The following FOCAD variants were observed in gnomAD, a reference collection of about 807,000 sequenced individuals.
The protein encoded by FOCAD is KIAA1797.
A neutral mutation model predicts 225.6 loss-of-function variants in FOCAD; 198 were observed. The ratio of observed to expected loss-of-function variants is 0.88; its 90% CI spans 0.78 to 0.99. FOCAD has a LOEUF of 0.99. FOCAD is among the 50% of genes least tolerant of loss of function. The pLI, the probability that FOCAD is intolerant of heterozygous loss-of-function variation, is 0.00. For synonymous variants in FOCAD, 897 were observed against 755.0 expected (o/e 1.19, Z -3.08); for missense variants, 2,713 against 2,123.6 (o/e 1.28, Z -5.46).
chr9:20,734,633 C>G (rs184466866), intron 4 of FOCAD, among the ~76,000 whole-genome samples: 54 of 151,814 alleles, frequency 3.6e-4, no homozygotes, highest in Non-Finnish European at 6.2e-4. Context: ...ATAACACATA[C>G]AGTATAATAT....
chr9:20,810,434 A>G (rs1482355366), intron 11 of FOCAD, among the ~76,000 whole-genome samples: 1 of 152,112 alleles, frequency 6.6e-6, no homozygotes, highest in Non-Finnish European at 1.5e-5. Flanking sequence ...TACTTTACTT[A>G]TAGGACATTG....
intron 5 of FOCAD, among the ~76,000 whole-genome samples, chr9:20,756,797 C>G (rs1829093733): frequency 6.6e-6 from 1 of 152,152 alleles, no homozygotes; most frequent in African/African-American, 2.4e-5. Flanking sequence ...AACTGATGGT[C>G]TGATTGTTAC....
intron 15 of FOCAD, among the ~76,000 whole-genome samples, chr9:20,854,960 T>A (rs1000178520): frequency 6.6e-6 from 1 of 151,876 alleles, no homozygotes; most frequent in Admixed American, 6.6e-5. Flanking sequence ...ATAATTCAAC[T>A]AATTTTCACA....
chr9:20,886,140 T>TTGC (rs1324015199), intron 21 of FOCAD, among the ~76,000 whole-genome samples: 1 of 152,218 alleles, frequency 6.6e-6, no homozygotes, highest in Non-Finnish European at 1.5e-5. Context: ...TCAAGACCCA[T>TTGC]CTTTGTCCTT....
chr9:20,776,492 A>T (rs1199656715), intron 8 of FOCAD, among the ~76,000 whole-genome samples: 1 of 152,232 alleles, frequency 6.6e-6, no homozygotes, highest in Non-Finnish European at 1.5e-5. Flanking sequence ...TAACCACTAG[A>T]CTTGTAAGCA....
At chr9:20,687,055 A>T (rs1013502009) in intron 1 of FOCAD, among the ~76,000 whole-genome samples, 6 of 149,842 alleles carry the variant, frequency 4.0e-5, no homozygotes, top group African/African-American at 1.2e-4. Flanking sequence ...TGTGTTTATG[A>T]TTTTAAAAGT....
At chr9:20,792,275 A>G (rs1409033727) in intron 11 of FOCAD, among the ~76,000 whole-genome samples, 1 of 152,204 alleles carries the variant, frequency 6.6e-6, no homozygotes, top group Non-Finnish European at 1.5e-5. Context: ...AAGATGAGTA[A>G]TTTTGAGATA....
chr9:20,796,070 T>C (rs1172982437), intron 11 of FOCAD, among the ~76,000 whole-genome samples: 2 of 150,882 alleles, frequency 1.3e-5, no homozygotes, highest in Non-Finnish European at 2.9e-5. Context: ...CGGTGTTTGG[T>C]TTTTTGTTCT....
At chr9:20,916,793 T>G in intron 23 of FOCAD, 100 bp from the exon 24 acceptor site, 1 of 1,042,972 alleles carries the variant, frequency 9.6e-7, no homozygotes, top group South Asian at 1.5e-5. Context: ...TTTTAAGATC[T>G]GGAGCCATTG....
intron 3 of FOCAD, 62 bp from the exon 4 acceptor site, chr9:20,720,318 G>A: frequency 1.4e-6 from 2 of 1,428,512 alleles, no homozygotes; most frequent in Non-Finnish European, 9.7e-7. Flanking sequence ...AATGACCAAA[G>A]GTGTGTGTGT....
intron 18 of FOCAD, among the ~76,000 whole-genome samples, chr9:20,869,242 C>T (rs897509261): frequency 1.3e-5 from 2 of 152,100 alleles, no homozygotes; most frequent in Admixed American, 6.6e-5. Flanking sequence ...CTTAAGGTTA[C>T]CTATTTTTCC....
chr9:20,915,061 A>G (rs1446580076), intron 23 of FOCAD, among the ~76,000 whole-genome samples: 1 of 152,210 alleles, frequency 6.6e-6, no homozygotes, highest in Non-Finnish European at 1.5e-5. Flanking sequence ...GACAAGGAAG[A>G]CTAGAGAAAA....
intron 26 of FOCAD, among the ~76,000 whole-genome samples, chr9:20,927,473 A>G (rs1207935260): frequency 2.0e-5 from 3 of 152,106 alleles, no homozygotes; most frequent in Non-Finnish European, 4.4e-5. Flanking sequence ...ACTTTATGTA[A>G]AAAGTTTTGA....
At chr9:20,870,167 G>A (rs1829636050) in intron 18 of FOCAD, among the ~76,000 whole-genome samples, 2 of 152,058 alleles carry the variant, frequency 1.3e-5, no homozygotes, top group African/African-American at 2.4e-5. Context: ...TTGTTTTCTT[G>A]ATTTCTAGGG....
chr9:20,878,553 A>G (rs560162791), intron 19 of FOCAD, among the ~76,000 whole-genome samples: 21 of 152,340 alleles, frequency 1.4e-4, no homozygotes, highest in African/African-American at 5.1e-4. Flanking sequence ...ACAATTTCGC[A>G]TATCTCTTCC....
At chr9:20,962,393 A>G (rs1296732709) in intron 35 of FOCAD, among the ~76,000 whole-genome samples, 3 of 146,620 alleles carry the variant, frequency 2.0e-5, no homozygotes, top group Admixed American at 6.9e-5. Context: ...AAACATACAC[A>G]TATATAATAT....
At chr9:20,729,266 T>C (rs1826467166) in intron 4 of FOCAD, among the ~76,000 whole-genome samples, 1 of 152,226 alleles carries the variant, frequency 6.6e-6, no homozygotes, top group Non-Finnish European at 1.5e-5. Context: ...TATGCCTTTC[T>C]ACTAGCTTCT....
At chr9:20,671,499 C>G (rs1462789378) in intron 2 of FOCAD, among the ~76,000 whole-genome samples, 1 of 152,136 alleles carries the variant, frequency 6.6e-6, no homozygotes, top group Non-Finnish European at 1.5e-5. Flanking sequence ...ATGTGCACTA[C>G]AGGAGAGCAG....
At chr9:20,913,334 C>T (rs765797658) in intron 23 of FOCAD, among the ~76,000 whole-genome samples, 5 of 152,012 alleles carry the variant, frequency 3.3e-5, no homozygotes, top group Non-Finnish European at 7.4e-5. Context: ...TTACTTCTCC[C>T]CTCCTCTGCT....
Sources: allele counts gnomAD v4.1 joint callset (sites outside exome capture counted in the v4.1 genomes callset), GRCh38; gene constraint gnomAD v4.1.1; transcripts MANE v1.5; gene names NCBI Gene and HGNC (gene_info 2026-07-23, HGNC 2026-07-21).